The following DOCK2 variants were observed in gnomAD, a reference collection of about 807,000 sequenced individuals.
DOCK2 encodes the protein dedicator of cytokinesis protein 2.
In DOCK2, 87 loss-of-function variants were observed where a neutral mutation model predicts 248.9. That is an observed-to-expected ratio of 0.35 (90% confidence interval 0.29 to 0.42). DOCK2 has a LOEUF of 0.42. DOCK2 is among the 10% of genes least tolerant of loss of function. The pLI, the probability that DOCK2 is intolerant of heterozygous loss-of-function variation, is 1.00. For missense variants in DOCK2, 1,747 were observed against 2,300.2 expected (o/e 0.76, Z 4.92); for synonymous variants, 805 against 821.6 (o/e 0.98, Z 0.35).
intron 27 of DOCK2, among the ~76,000 whole-genome samples, chr5:169,917,866 T>C (rs535018628): frequency 6.6e-6 from 1 of 152,340 alleles, no homozygotes; most frequent in South Asian, 2.1e-4. Context: ...CCCTTTCCAC[T>C]GGTATTTCAT....
At position 169,800,944 on chromosome 5, in the gene DOCK2, C is replaced by CTTTTTTTTTTTT. The variant is rs60140740; in HGVS notation, c.2555-2096_2555-2085dup. Among the ~76,000 whole-genome samples the CTTTTTTTTTTTT allele has an allele frequency of 2.1e-3, 110 of 53,192 alleles. 2 individuals are homozygous for CTTTTTTTTTTTT. Among genetic ancestry groups the CTTTTTTTTTTTT allele is most frequent in the Non-Finnish European group, 2.6e-3 (89 of 34,148 alleles). The allele number at this position is 53,192 out of a possible 152,430, so 34.9% of individuals were successfully genotyped here. A position where few individuals can be genotyped will look rare whatever the true frequency, so the allele number is the denominator to read the frequency against. On this transcript the variant is annotated intron_variant, in intron 25 of 51. Coordinates refer to ENST00000520908, the MANE Select transcript of DOCK2 (RefSeq NM_004946.3). ...TTTTTCTTTTTTCTTTTCTTTCTTT[C>CTTTTTTTTTTTT]TTTTTTTTTTTTTTTTTTTTTTTTT...
chr5:169,831,216 CAA>C (rs5873194), intron 26 of DOCK2, among the ~76,000 whole-genome samples: 30 of 150,286 alleles, frequency 2.0e-4, no homozygotes, highest in African/African-American at 3.4e-4. Flanking sequence ...AATAAATTTT[CAA>C]AAAAAAAAGG....
chr5:169,689,306 G>C lies in DOCK2; in HGVS notation c.816G>C (p.Met272Ile). The change falls in exon 9 of 52, where the codon ATG becomes ATC. Residue 272 changes from methionine (M) to isoleucine (I), a missense_variant. This residue lies in a region of DOCK2 where 375 missense variants were observed against 510.9 expected (regional missense o/e 0.73). Transcript: ENST00000520908. ...GSRGFPKEIE[M>I]LNNLKVVFTD... ...GGGGCTTCCCTAAGGAGATTGAGAT[G>C]CTCAACAATCTGAAGGTGGTCTTCA... 1 of 1,614,094 alleles carries C rather than the reference G, an allele frequency of 6.2e-7. No individual in the cohort carries two copies. Among genetic ancestry groups the C allele is most frequent in the Non-Finnish European group, 8.5e-7 (1 of 1,179,986 alleles).
At chr5:169,998,801 T>C (rs1199646982) in intron 30 of DOCK2, among the ~76,000 whole-genome samples, 1 of 152,182 alleles carries the variant, frequency 6.6e-6, no homozygotes, top group East Asian at 1.9e-4. Flanking sequence ...TGAGAGTTTC[T>C]CCTGGCATTA....
intron 1 of DOCK2, among the ~76,000 whole-genome samples, chr5:169,645,939 C>T (rs1196193239): frequency 2.0e-5 from 3 of 151,924 alleles, no homozygotes; most frequent in African/African-American, 4.8e-5. Context: ...TTAGTAGAGA[C>T]GGGGTTTCAC....
At chr5:169,855,110 C>T (rs567097117) in intron 27 of DOCK2, among the ~76,000 whole-genome samples, 1 of 152,218 alleles carries the variant, frequency 6.6e-6, no homozygotes, top group Non-Finnish European at 1.5e-5. Context: ...TTATCTCCCC[C>T]TAAGCCTCCA....
At chr5:169,825,272 A>G (rs1349748854) in intron 26 of DOCK2, among the ~76,000 whole-genome samples, 6 of 152,204 alleles carry the variant, frequency 3.9e-5, no homozygotes, top group African/African-American at 1.4e-4. Flanking sequence ...ATTACTGGGT[A>G]TATACCCAAA....
chr5:169,888,594 C>A (rs1397901733), intron 27 of DOCK2, among the ~76,000 whole-genome samples: 2 of 152,178 alleles, frequency 1.3e-5, no homozygotes, highest in African/African-American at 4.8e-5. Flanking sequence ...CTGCCCAGTC[C>A]TCTTTTCTCA....
At chr5:169,883,163 T>A in intron 27 of DOCK2, 1 of 1,551,664 alleles carries the variant, frequency 6.4e-7, no homozygotes, top group Non-Finnish European at 8.7e-7. Context: ...GGAGTCACCC[T>A]TCTCCCATCA....
intron 33 of DOCK2, among the ~76,000 whole-genome samples, chr5:170,025,572 G>C (rs1238033777): frequency 6.6e-6 from 1 of 152,184 alleles, no homozygotes; most frequent in East Asian, 1.9e-4. Context: ...TAGCCCCTTA[G>C]CTGTATTTCT....
intron 27 of DOCK2, among the ~76,000 whole-genome samples, chr5:169,870,910 A>ATACG (rs1016191601): frequency 6.8e-4 from 104 of 152,226 alleles, no homozygotes; most frequent in Non-Finnish European, 1.2e-3. Context: ...TTATACATAC[A>ATACG]TACATACACT....
intron 27 of DOCK2, among the ~76,000 whole-genome samples, chr5:169,891,995 CAA>C (rs571918885): frequency 4.4e-4 from 28 of 64,230 alleles, no homozygotes; most frequent in Non-Finnish European, 5.9e-4. Context: ...GATTCCGTCC[CAA>C]AAAAAAAAAA....
chr5:169,858,118 C>T (rs953628313), intron 27 of DOCK2, among the ~76,000 whole-genome samples: 8 of 152,132 alleles, frequency 5.3e-5, no homozygotes, highest in African/African-American at 1.7e-4. Flanking sequence ...TAATTTATTT[C>T]TGCAATGAGT....
intron 27 of DOCK2, chr5:169,980,570 T>C (rs1777906489): frequency 6.6e-6 from 1 of 151,968 alleles, no homozygotes; most frequent in Non-Finnish European, 1.5e-5. Flanking sequence ...CGCTCCTGTG[T>C]GTGTATAGAC....
At chr5:170,057,938 G>A (rs757317374) in intron 44 of DOCK2, among the ~76,000 whole-genome samples, 58 of 152,182 alleles carry the variant, frequency 3.8e-4, no homozygotes, top group Middle Eastern at 6.8e-3. Context: ...CTGTTGGGTG[G>A]GTGGGGTGTA....
intron 29 of DOCK2, among the ~76,000 whole-genome samples, chr5:169,993,881 A>G (rs185287527): frequency 2.6e-3 from 387 of 151,762 alleles, no homozygotes; most frequent in Non-Finnish European, 4.4e-3. Flanking sequence ...GCTAAGGTGT[A>G]AATAACCCAA....
At chr5:169,983,313 G>A (rs1225148353) in intron 28 of DOCK2, 147 bp downstream of exon 28, 1 of 837,656 alleles carries the variant, frequency 1.2e-6, no homozygotes, top group African/African-American at 1.7e-5. Flanking sequence ...ACATTTTGGG[G>A]TTTAAGAGCA....
intron 34 of DOCK2, among the ~76,000 whole-genome samples, chr5:170,030,641 T>G (rs1195302880): frequency 6.6e-6 from 1 of 152,252 alleles, no homozygotes; most frequent in East Asian, 1.9e-4. Context: ...GCATTTCCTT[T>G]GAGTGTCATG....
At chr5:169,788,725 C>T (rs1766141526) in intron 25 of DOCK2, among the ~76,000 whole-genome samples, 1 of 152,144 alleles carries the variant, frequency 6.6e-6, no homozygotes, top group African/African-American at 2.4e-5. Flanking sequence ...ATACTTATAA[C>T]TAATAATAAA....
Sources: allele counts gnomAD v4.1 joint callset (sites outside exome capture counted in the v4.1 genomes callset), GRCh38; gene constraint gnomAD v4.1.1; regional missense constraint gnomAD v4.1.1; transcripts MANE v1.5; gene names NCBI Gene and HGNC (gene_info 2026-07-23, HGNC 2026-07-21).